The following SUCLG2 variants were observed in gnomAD, a reference collection of about 807,000 sequenced individuals.
SUCLG2 encodes the protein succinate-CoA ligase GDP-forming subunit beta.
Under a neutral mutation model 47.9 loss-of-function variants are expected in SUCLG2, and 42 were observed. The ratio of observed to expected loss-of-function variants is 0.88; its 90% confidence interval spans 0.69 to 1.14. SUCLG2 has a LOEUF of 1.14. Ranked by LOEUF, SUCLG2 falls within the 50% of genes most tolerant of loss-of-function variation. SUCLG2 has a pLI of 0.00. For missense variants in SUCLG2, 571 were observed against 525.9 expected, an observed-to-expected ratio of 1.09 and a Z score of -0.84; for synonymous variants, 195 against 197.3, an observed-to-expected ratio of 0.99 and a Z score of 0.10.
intron 10 of SUCLG2, among the ~76,000 whole-genome samples, chr3:67,384,972 C>T (rs1003993648): frequency 2.0e-5 from 3 of 152,186 alleles, no homozygotes; most frequent in Non-Finnish European, 4.4e-5. Context: ...CTCAAGGTGG[C>T]GCTCTCTGGA....
chr3:67,466,200 A>G (rs1704466185), intron 9 of SUCLG2, among the ~76,000 whole-genome samples: 1 of 152,126 alleles, frequency 6.6e-6, no homozygotes, highest in African/African-American at 2.4e-5. Flanking sequence ...CGAAAATACA[A>G]AAGTTAGCCA....
At chr3:67,607,037 A>C (rs1700431537) in intron 2 of SUCLG2, among the ~76,000 whole-genome samples, 1 of 152,230 alleles carries the variant, frequency 6.6e-6, no homozygotes, top group Non-Finnish European at 1.5e-5. Flanking sequence ...AGAATATTGA[A>C]ATATGGAGAG....
chr3:67,493,405 T>C (rs114630200), intron 9 of SUCLG2, among the ~76,000 whole-genome samples: 365 of 152,266 alleles, frequency 2.4e-3, no homozygotes, highest in Non-Finnish European at 4.3e-3. Flanking sequence ...TGACAGTTAA[T>C]CTCAAAAAAA....
At chr3:67,642,449 A>T (rs927001131) in intron 1 of SUCLG2, among the ~76,000 whole-genome samples, 7 of 147,058 alleles carry the variant, frequency 4.8e-5, no homozygotes, top group South Asian at 2.2e-4. Flanking sequence ...TACAAAATTT[A>T]AAAAAAAAAA....
At chr3:67,638,049 T>G (rs1309315003) in intron 1 of SUCLG2, among the ~76,000 whole-genome samples, 2 of 152,232 alleles carry the variant, frequency 1.3e-5, no homozygotes, top group Non-Finnish European at 2.9e-5. Context: ...TTTTTCAGTA[T>G]TTTATGCTAC....
chr3:67,365,177 A>G (rs1701858606), intron 10 of SUCLG2, among the ~76,000 whole-genome samples: 1 of 152,190 alleles, frequency 6.6e-6, no homozygotes, highest in African/African-American at 2.4e-5. Flanking sequence ...ATAACAGAAG[A>G]GCTAATATTT....
intron 9 of SUCLG2, among the ~76,000 whole-genome samples, chr3:67,444,284 TG>T (rs1224650600): frequency 4.4e-5 from 2 of 45,354 alleles, no homozygotes; most frequent in African/African-American, 8.1e-5. Context: ...AGGAGGGAGA[TG>T]GGGGGGTCAG....
At chr3:67,580,083 C>T (rs933905930) in intron 2 of SUCLG2, among the ~76,000 whole-genome samples, 4 of 152,022 alleles carry the variant, frequency 2.6e-5, no homozygotes, top group Non-Finnish European at 5.9e-5. Context: ...TGGTTTTATC[C>T]ATCTTTATTT....
rs79430043 is a variant in SUCLG2 at position 67,425,899 on chromosome 3, C to T, written c.1063-25048G>A. On this transcript the variant is annotated intron_variant, in intron 9 of 10. Transcript: ENST00000307227. Reference sequence around the variant, plus strand: ...CCAATGACCCAAAAATAAAATTTAGCCTCAAATAGAGACTTGTAAAATATT... The same window carrying T: ...CCAATGACCCAAAAATAAAATTTAGTCTCAAATAGAGACTTGTAAAATATT... 5.0e-3 allele frequency among the ~76,000 whole-genome samples: 768 copies of T among 152,242 alleles called. 8 individuals are homozygous for T. The highest frequency in any genetic ancestry group is 0.017 in the African/African-American group (723 of 41,520).
intron 2 of SUCLG2, among the ~76,000 whole-genome samples, chr3:67,585,918 G>C (rs12488912): frequency 0.49 from 66,800 of 137,604 alleles, 16,235 homozygotes; most frequent in Admixed American, 0.61. Context: ...AGTGAGCCGA[G>C]ATCATGCCAC....
At chr3:67,476,291 G>A (rs974282254) in intron 9 of SUCLG2, among the ~76,000 whole-genome samples, 6 of 151,988 alleles carry the variant, frequency 3.9e-5, no homozygotes, top group South Asian at 4.2e-4. Flanking sequence ...CCCATGGCTC[G>A]CATTACCACC....
At chr3:67,495,671 A>C in intron 9 of SUCLG2, 127 bp downstream of exon 9, 2 of 962,358 alleles carry the variant, frequency 2.1e-6, no homozygotes, top group Non-Finnish European at 1.5e-6. Flanking sequence ...AAAAAAAGAT[A>C]GAAGTTGCAT....
intron 2 of SUCLG2, among the ~76,000 whole-genome samples, chr3:67,530,929 T>G (rs559953556): frequency 1.2e-4 from 19 of 152,308 alleles, no homozygotes; most frequent in African/African-American, 4.6e-4. Flanking sequence ...GCAAGAACAG[T>G]AGTAAGAGCA....
intron 1 of SUCLG2, among the ~76,000 whole-genome samples, chr3:67,626,496 G>C (rs1343977956): frequency 6.6e-6 from 1 of 152,132 alleles, no homozygotes; most frequent in Non-Finnish European, 1.5e-5. Context: ...CTGGTGACAG[G>C]ATGGTCTAGG....
chr3:67,393,733 T>A (rs1195692603), intron 10 of SUCLG2, among the ~76,000 whole-genome samples: 2 of 152,224 alleles, frequency 1.3e-5, no homozygotes, highest in South Asian at 4.1e-4. Context: ...AGTGGGTCCC[T>A]GACCCCTGAC....
chr3:67,428,181 G>A (rs1203033498), intron 9 of SUCLG2, among the ~76,000 whole-genome samples: 1 of 152,200 alleles, frequency 6.6e-6, no homozygotes, highest in Non-Finnish European at 1.5e-5. Flanking sequence ...GCCTAACTGG[G>A]AGGCACCTCC....
intron 9 of SUCLG2, among the ~76,000 whole-genome samples, chr3:67,457,301 C>T (rs907692449): frequency 2.0e-5 from 3 of 152,150 alleles, no homozygotes; most frequent in Non-Finnish European, 2.9e-5. Context: ...AACAGATTTT[C>T]AATTTCCTTC....
intron 2 of SUCLG2, among the ~76,000 whole-genome samples, chr3:67,581,469 T>G (rs550011376): frequency 6.6e-6 from 1 of 152,316 alleles, no homozygotes; most frequent in East Asian, 1.9e-4. Flanking sequence ...AAACATTCAG[T>G]ATTTTTTAGA....
chr3:67,467,586 G>C (rs1309393499), intron 9 of SUCLG2, among the ~76,000 whole-genome samples: 1 of 152,146 alleles, frequency 6.6e-6, no homozygotes, highest in East Asian at 1.9e-4. Flanking sequence ...ATCCTTTAAA[G>C]AGATTATTTG....
Sources: allele counts gnomAD v4.1 joint callset (sites outside exome capture counted in the v4.1 genomes callset), GRCh38; gene constraint gnomAD v4.1.1; transcripts MANE v1.5; gene names NCBI Gene and HGNC (gene_info 2026-07-23, HGNC 2026-07-21).